The following PPP1CC variants were observed in gnomAD, a reference collection of about 807,000 sequenced individuals.
PPP1CC encodes protein phosphatase 1 catalytic subunit gamma, also known as serine/threonine-protein phosphatase PP1-gamma catalytic subunit.
PPP1CC carries 16 observed loss-of-function variants against 38.4 expected under a neutral mutation model. That is an observed-to-expected ratio of 0.42 (90% CI 0.28 to 0.63). PPP1CC has a LOEUF of 0.63. Ranked by LOEUF, PPP1CC falls within the 30% of genes least tolerant of loss-of-function variation. The pLI, the probability that PPP1CC is intolerant of heterozygous loss-of-function variation, is 0.25. For missense variants in PPP1CC, 170 were observed against 391.3 expected (o/e 0.43, Z 4.77); for synonymous variants, 158 against 136.0 (o/e 1.16, Z -1.13).
At chr12:110,741,434 C>T (rs1407097580) in intron 1 of PPP1CC, among the ~76,000 whole-genome samples, 3 of 152,142 alleles carry the variant, frequency 2.0e-5, no homozygotes, top group Non-Finnish European at 1.5e-5. Context: ...TATGAAGTGT[C>T]CAAGTTAGGG....
chr12:110,721,898 G>A (rs1044706702), intron 6 of PPP1CC: 2 of 505,450 alleles, frequency 4.0e-6, no homozygotes, highest in Non-Finnish European at 6.9e-6. Flanking sequence ...TAAGCATTAA[G>A]GAGCCAATAT....
At chr12:110,741,992 C>G (rs920117826) in intron 1 of PPP1CC, among the ~76,000 whole-genome samples, 7 of 152,190 alleles carry the variant, frequency 4.6e-5, no homozygotes, top group African/African-American at 1.7e-4. Context: ...GCCTCGTTGG[C>G]TTCCTCTTCA....
downstream of PPP1CC, among the ~76,000 whole-genome samples, chr12:110,719,291 C>T (rs777319502): frequency 3.3e-5 from 5 of 152,088 alleles, no homozygotes; most frequent in East Asian, 3.9e-4. Flanking sequence ...GCCTCAGGAC[C>T]GGGGCTTGTT....
At chr12:110,738,615 T>TGACCACTGCTGGGC (rs377086435) in intron 1 of PPP1CC, among the ~76,000 whole-genome samples, 9 of 152,344 alleles carry the variant, frequency 5.9e-5, no homozygotes, top group Middle Eastern at 3.4e-3. Context: ...TTTCTACAGC[T>TGACCACTGCTGGGC]GACCACTGCT....
At chr12:110,718,284 T>C (rs921170495), downstream of PPP1CC, among the ~76,000 whole-genome samples, 19 of 152,182 alleles carry the variant, frequency 1.2e-4, no homozygotes, top group South Asian at 1.0e-3. Flanking sequence ...ACATAGATGA[T>C]TGAGCGACTA....
chr12:110,735,073 G>A (rs2069927766), intron 1 of PPP1CC: 1 of 138,494 alleles, frequency 7.2e-6, no homozygotes. Flanking sequence ...TTCTTTTTTT[G>A]AGATGGAGTC....
At chr12:110,730,167 G>A (rs1219317099) in intron 3 of PPP1CC, among the ~76,000 whole-genome samples, 8 of 152,210 alleles carry the variant, frequency 5.3e-5, no homozygotes, top group African/African-American at 1.9e-4. Flanking sequence ...AGATCAGCTT[G>A]GGCAACAAGG....
the PPP1CC span, among the ~76,000 whole-genome samples, chr12:110,710,530 A>G: frequency 1.3e-5 from 2 of 151,018 alleles, no homozygotes; most frequent in Non-Finnish European, 2.9e-5. Flanking sequence ...CATCCTGGCT[A>G]ACATGGTGAA....
At chr12:110,732,818 A>G (rs2069894022) in intron 1 of PPP1CC, 1 of 152,210 alleles carries the variant, frequency 6.6e-6, no homozygotes, top group Non-Finnish European at 1.5e-5. Flanking sequence ...ACTTGTCAGC[A>G]CGTAGGTAGT....
the PPP1CC span, among the ~76,000 whole-genome samples, chr12:110,709,825 G>A: frequency 1.3e-5 from 2 of 151,876 alleles, no homozygotes; most frequent in Non-Finnish European, 2.9e-5. Flanking sequence ...GGGATTACAG[G>A]CATGAGCTAC....
Position 110,719,807 on chromosome 12 carries a change from C to A in PPP1CC, c.*1269G>T. ...GAAAGAAGCAAAACCAAAATGCAAC[C>A]GTGTGGTTTCCAGAGCAATTTATTC... On this transcript the variant is annotated 3_prime_UTR_variant, in exon 7 of 7. Transcript: ENST00000335007. The A allele has an allele frequency of 3.8e-6, 1 of 265,164 alleles. No individual in the cohort carries two copies. The highest frequency in any genetic ancestry group is 7.8e-5 in the East Asian group (1 of 12,838). The allele number at this position is 265,164 out of a possible 1,614,324, so 16.4% of individuals were successfully genotyped here. A position where few individuals can be genotyped will look rare whatever the true frequency, so the allele number is the denominator to read the frequency against.
intron 1 of PPP1CC, among the ~76,000 whole-genome samples, chr12:110,740,499 A>T (rs75786650): frequency 2.0e-5 from 3 of 152,150 alleles, no homozygotes; most frequent in African/African-American, 7.2e-5. Context: ...TTTAACTTAG[A>T]TATCTACATA....
chr12:110,724,598 T>G (rs2069774610), intron 4 of PPP1CC, 62 bp downstream of exon 4: 2 of 938,078 alleles, frequency 2.1e-6, no homozygotes, highest in Non-Finnish European at 3.5e-6. Context: ...CTCACAAATG[T>G]TAAAGTGTTC....
At chr12:110,729,046 C>G (rs1034451991) in intron 3 of PPP1CC, among the ~76,000 whole-genome samples, 1 of 152,126 alleles carries the variant, frequency 6.6e-6, no homozygotes, top group South Asian at 2.1e-4. Flanking sequence ...TTAGCAAATG[C>G]CAAGTACCTG....
At chr12:110,735,759 G>T (rs1173041286) in intron 1 of PPP1CC, among the ~76,000 whole-genome samples, 1 of 148,598 alleles carries the variant, frequency 6.7e-6, no homozygotes, top group Non-Finnish European at 1.5e-5. Context: ...TCCATCCTGG[G>T]CAACAAGAAA....
chr12:110,722,419 T>A lies in PPP1CC; in HGVS notation c.747+53A>T. 1 of 1,589,186 alleles carries A rather than the reference T, an allele frequency of 6.3e-7. No homozygotes were observed. The highest frequency in any genetic ancestry group is 8.6e-7 in the Non-Finnish European group (1 of 1,157,884). Reference sequence around the variant, plus strand: ...TACCCACCAAAATCAACAAGGAGAATCTGTGCTCACACACATGCTCTTAAG... The same window carrying A: ...TACCCACCAAAATCAACAAGGAGAAACTGTGCTCACACACATGCTCTTAAG... On this transcript the variant is annotated intron_variant, in intron 5 of 6. Coordinates refer to ENST00000335007, the MANE Select transcript of PPP1CC (RefSeq NM_002710.4). This position sits in a 1 kb window ranked among gnomAD's most constrained non-coding sequence, Gnocchi z 5.4.
At chr12:110,739,583 A>C (rs1466587881) in intron 1 of PPP1CC, among the ~76,000 whole-genome samples, 1 of 152,172 alleles carries the variant, frequency 6.6e-6, no homozygotes, top group Non-Finnish European at 1.5e-5. Flanking sequence ...CAGAGGATTA[A>C]ATCTGTAAGC....
intron 1 of PPP1CC, 97 bp downstream of exon 1, chr12:110,742,555 AG>A: frequency 9.2e-7 from 1 of 1,081,526 alleles, no homozygotes; most frequent in Non-Finnish European, 1.2e-6. Flanking sequence ...CGGTGCTGCA[AG>A]CCCAACCGGC....
rs757382481 is a variant in PPP1CC at position 110,720,200 on chromosome 12, T to G, written c.*876A>C. 4 of 1,549,780 alleles carry G rather than the reference T, an allele frequency of 2.6e-6. No individual in the cohort carries two copies. The South Asian group carries it at 4.7e-5, about 18-fold the overall frequency. On this transcript the variant is annotated 3_prime_UTR_variant, in exon 7 of 7. Transcript: ENST00000335007. ...TCTGAATGGACGGGTTCAGGCCTGATGCAACTGTAAAAAGATTACTTAATG... is the reference window on the plus strand; with the variant it reads ...TCTGAATGGACGGGTTCAGGCCTGAGGCAACTGTAAAAAGATTACTTAATG...
Sources: allele counts gnomAD v4.1 joint callset (sites outside exome capture counted in the v4.1 genomes callset), GRCh38; gene constraint gnomAD v4.1.1; non-coding constraint Gnocchi (gnomAD v3.1); transcripts MANE v1.5; gene names NCBI Gene and HGNC (gene_info 2026-07-23, HGNC 2026-07-21).